The following SLC16A7 variants were observed in gnomAD, a reference collection of about 807,000 sequenced individuals.
SLC16A7 encodes the protein monocarboxylate transporter 2.
Under a neutral mutation model 34.9 loss-of-function variants are expected in SLC16A7, and 33 were observed. That is an observed-to-expected ratio of 0.94 (90% confidence interval 0.72 to 1.26). SLC16A7 has a LOEUF of 1.26. Among genes scored for constraint, SLC16A7 ranks in the 50% most tolerant of loss-of-function variants. SLC16A7 has a pLI of 0.00. For missense variants in SLC16A7, 573 were observed against 578.1 expected, an observed-to-expected ratio of 0.99 and a Z score of 0.09; for synonymous variants, 201 against 206.6, an observed-to-expected ratio of 0.97 and a Z score of 0.23.
At chr12:59,694,197 G>T (rs1476927991) in intron 2 of SLC16A7, among the ~76,000 whole-genome samples, 2 of 151,884 alleles carry the variant, frequency 1.3e-5, no homozygotes, top group Admixed American at 6.6e-5. Context: ...GGGGGAATAA[G>T]CTTTATGCCT....
chr12:59,722,198 G>GTC (rs1207839576), intron 3 of SLC16A7, among the ~76,000 whole-genome samples: 1 of 151,822 alleles, frequency 6.6e-6, no homozygotes, highest in East Asian at 1.9e-4. Flanking sequence ...TGTTGATCAG[G>GTC]TCAAAAACAT....
intron 1 of SLC16A7, among the ~76,000 whole-genome samples, chr12:59,601,948 C>T (rs1276219783): frequency 1.3e-5 from 2 of 152,140 alleles, no homozygotes; most frequent in African/African-American, 4.8e-5. Flanking sequence ...CACATTAAGT[C>T]CGTAACAATG....
At chr12:59,715,591 T>A (rs956048065) in intron 3 of SLC16A7, among the ~76,000 whole-genome samples, 2 of 152,178 alleles carry the variant, frequency 1.3e-5, no homozygotes, top group African/African-American at 4.8e-5. Flanking sequence ...AAGCAGTTCA[T>A]CATCTTGTTT....
At chr12:59,606,353 G>A (rs937036040) in intron 1 of SLC16A7, among the ~76,000 whole-genome samples, 6 of 152,168 alleles carry the variant, frequency 3.9e-5, no homozygotes, top group Non-Finnish European at 7.4e-5. Flanking sequence ...ATTCCCTTTA[G>A]ATGTGATAGC....
intron 3 of SLC16A7, among the ~76,000 whole-genome samples, chr12:59,715,173 C>T (rs1874751139): frequency 6.6e-6 from 1 of 152,138 alleles, no homozygotes; most frequent in Admixed American, 6.5e-5. Context: ...TTGCCACAAA[C>T]ACTGAATGAA....
intron 2 of SLC16A7, among the ~76,000 whole-genome samples, chr12:59,687,788 A>G (rs1166021912): frequency 6.6e-6 from 1 of 152,070 alleles, no homozygotes; most frequent in African/African-American, 2.4e-5. Context: ...GACTGCTATA[A>G]AGGCAAAACA....
At chr12:59,740,400 C>G (rs1400856104) in intron 3 of SLC16A7, among the ~76,000 whole-genome samples, 1 of 152,134 alleles carries the variant, frequency 6.6e-6, no homozygotes, top group Non-Finnish European at 1.5e-5. Flanking sequence ...TTCCATTGAT[C>G]TATATCTCTG....
intron 3 of SLC16A7, among the ~76,000 whole-genome samples, chr12:59,760,871 G>A (rs763348550): frequency 4.6e-5 from 7 of 152,048 alleles, no homozygotes; most frequent in East Asian, 1.9e-4. Context: ...TAACTGAAAC[G>A]CTGAAAGTGA....
chr12:59,671,922 TATATATCC>T (rs1487125453), intron 2 of SLC16A7, among the ~76,000 whole-genome samples: 10 of 43,250 alleles, frequency 2.3e-4, no homozygotes, highest in African/African-American at 1.1e-3. Context: ...TGTATATATG[TATATATCC>T]ATATATGTAT....
At chr12:59,715,336 A>G (rs1874772333) in intron 3 of SLC16A7, among the ~76,000 whole-genome samples, 1 of 152,194 alleles carries the variant, frequency 6.6e-6, no homozygotes, top group Admixed American at 6.6e-5. Flanking sequence ...ACTGACTGAC[A>G]TTGAATTTTG....
chr12:59,738,401 C>T (rs925681954), intron 3 of SLC16A7, among the ~76,000 whole-genome samples: 9 of 152,102 alleles, frequency 5.9e-5, no homozygotes, highest in African/African-American at 2.2e-4. Context: ...GTTTCCATAT[C>T]AAACTGAGGG....
intron 1 of SLC16A7, among the ~76,000 whole-genome samples, chr12:59,639,639 G>C (rs563001515): frequency 6.6e-6 from 1 of 152,036 alleles, no homozygotes; most frequent in Non-Finnish European, 1.5e-5. Context: ...TCCCATCTTG[G>C]CCTCCCAAAG....
intron 1 of SLC16A7, among the ~76,000 whole-genome samples, chr12:59,628,377 A>G (rs1041075559): frequency 6.6e-6 from 1 of 151,842 alleles, no homozygotes; most frequent in Non-Finnish European, 1.5e-5. Flanking sequence ...AGCCTCCATC[A>G]AGAATTATGT....
chr12:59,700,801 A>T (rs1872783584), intron 2 of SLC16A7, among the ~76,000 whole-genome samples: 1 of 151,678 alleles, frequency 6.6e-6, no homozygotes, highest in Non-Finnish European at 1.5e-5. Context: ...TTTTCTGAAG[A>T]TCCTAAAATT....
chr12:59,650,546 A>G (rs1412606288), intron 1 of SLC16A7, among the ~76,000 whole-genome samples: 1 of 152,184 alleles, frequency 6.6e-6, no homozygotes, highest in Admixed American at 6.6e-5. Context: ...CCATTATCAA[A>G]GAGTGATTGA....
intron 3 of SLC16A7, among the ~76,000 whole-genome samples, chr12:59,732,801 G>A (rs1223087297): frequency 6.6e-6 from 1 of 152,160 alleles, no homozygotes; most frequent in Non-Finnish European, 1.5e-5. Context: ...GGTATAGCTA[G>A]AGGCCTCCTT....
chr12:59,672,504 C>T (rs564892129), intron 2 of SLC16A7, among the ~76,000 whole-genome samples: 181 of 151,970 alleles, frequency 1.2e-3, no homozygotes, highest in Admixed American at 5.6e-3. Flanking sequence ...TGACTACTTC[C>T]AGTCCCACAT....
intron 2 of SLC16A7, 87 bp from the exon 3 acceptor site, chr12:59,704,685 C>G (rs1392010694): frequency 1.5e-6 from 1 of 655,860 alleles, no homozygotes; most frequent in Non-Finnish European, 2.6e-6. Flanking sequence ...GTAGTTTTAA[C>G]TGGAAAGTAC....
intron 3 of SLC16A7, among the ~76,000 whole-genome samples, chr12:59,708,832 T>C (rs1173879679): frequency 6.6e-6 from 1 of 151,582 alleles, no homozygotes; most frequent in Non-Finnish European, 1.5e-5. Flanking sequence ...TAATGAAAGG[T>C]TCGCAGGAAG....
Sources: gnomAD v4.1 joint callset for allele counts (sites outside exome capture counted in the v4.1 genomes callset) on GRCh38, gnomAD v4.1.1 for gene constraint, MANE v1.5 for transcripts, NCBI Gene and HGNC (gene_info 2026-07-23, HGNC 2026-07-21) for gene names.